The following PARD3 variants were observed in gnomAD, a reference collection of about 807,000 sequenced individuals.
PARD3 encodes par-3 family cell polarity regulator, also known as partitioning defective 3 homolog.
A neutral mutation model predicts 155.4 loss-of-function variants in PARD3; 75 were observed. The observed-to-expected ratio is 0.48, with a 90% confidence interval of 0.40 to 0.58. PARD3 has a LOEUF of 0.58. Among genes scored for constraint, PARD3 ranks in the 20% least tolerant of loss-of-function variants. The pLI is 0.00. For missense variants in PARD3, 1,642 were observed against 1,721.7 expected (o/e 0.95, Z 0.82); for synonymous variants, 576 against 610.5 (o/e 0.94, Z 0.83).
intron 2 of PARD3, among the ~76,000 whole-genome samples, chr10:34,533,500 T>C (rs181048419): frequency 5.3e-5 from 8 of 152,172 alleles, no homozygotes; most frequent in Admixed American, 4.6e-4. Flanking sequence ...AATTATAACA[T>C]GAGAATACCA....
intron 9 of PARD3, among the ~76,000 whole-genome samples, chr10:34,379,155 A>C (rs190994848): frequency 5.3e-5 from 8 of 152,290 alleles, no homozygotes; most frequent in Admixed American, 1.3e-4. Context: ...TAAAGGTGAA[A>C]AATCTAGAAA....
In PARD3 at chr10:34,328,123, A is replaced by G. The variant is rs150953524; in HGVS notation, c.2833+2994T>C. 2.0e-3 allele frequency among the ~76,000 whole-genome samples: 310 copies of G among 152,324 alleles called. 1 individual carries two copies. The highest frequency in any genetic ancestry group is 3.4e-3 in the Middle Eastern group (1 of 294). The stretch of plus-strand genomic sequence containing the variant: ...TTCAGTTTTATGTAAGCTGACAGCC[A>G]CCAGCAGTAACACCACATTTGATAG... On this transcript the variant is annotated intron_variant, in intron 19 of 24. Transcript: ENST00000374788.
rs1958066270 is a variant in PARD3 at position 34,317,276 on chromosome 10, G to C, written c.2896C>G (p.Gln966Glu). Residue 966 changes from glutamine (Q) to glutamate (E), a missense_variant, in exon 20 of 25, where the codon CAG (glutamine) becomes GAG (glutamate). By Grantham distance (29) the Gln-to-Glu change is conservative (BLOSUM62 2). This residue lies in a region of PARD3 where 1,529 missense variants were observed against 1,587.3 expected (regional missense o/e 0.96). Transcript: ENST00000374788. ...TGTCTCTCCAGAGAGTGGGAAGGCTGATCACTGGCTGTGGATACAGACTCT... is the reference window on the plus strand; with the variant it reads ...TGTCTCTCCAGAGAGTGGGAAGGCTCATCACTGGCTGTGGATACAGACTCT... The part of the protein sequence containing the change: ...GRESVSTASD[Q>E]PSHSLERQMN... 1 of 1,613,480 alleles carries C rather than the reference G, an allele frequency of 6.2e-7. No homozygotes were observed. The highest frequency in any genetic ancestry group is 8.5e-7 in the Non-Finnish European group (1 of 1,179,846).
chr10:34,314,475 C>T (rs530337626), intron 20 of PARD3, among the ~76,000 whole-genome samples: 10 of 152,182 alleles, frequency 6.6e-5, no homozygotes, highest in Admixed American at 2.6e-4. Flanking sequence ...AAAGGGCTGG[C>T]GCAGTGGTTT....
chr10:34,444,726 T>C (rs193075318), intron 5 of PARD3, among the ~76,000 whole-genome samples: 1 of 152,320 alleles, frequency 6.6e-6, no homozygotes, highest in Admixed American at 6.5e-5. Context: ...AATATTCTTA[T>C]AGAAAGAAGA....
At chr10:34,447,991 T>A (rs2076843672) in intron 5 of PARD3, among the ~76,000 whole-genome samples, 1 of 152,064 alleles carries the variant, frequency 6.6e-6, no homozygotes. Flanking sequence ...TGCATATATA[T>A]CCATGATAAA....
At chr10:34,454,575 AAATT>A (rs1271008219) in intron 4 of PARD3, among the ~76,000 whole-genome samples, 9 of 152,292 alleles carry the variant, frequency 5.9e-5, no homozygotes, top group African/African-American at 2.2e-4. Context: ...CTAATGGCAT[AAATT>A]AATTTGTTAG....
chr10:34,460,605 G>A lies in PARD3; in HGVS notation c.582+9480C>T, dbSNP rs182492646. On this transcript the variant is annotated intron_variant, in intron 4 of 24. Coordinates refer to ENST00000374788, the MANE Select transcript of PARD3 (RefSeq NM_001184785.2). ...TCCCAGCACTTTGGGAGGCCGAGGC[G>A]GGTGGATAACGAGGTCAGGAGATCG... 1.5e-4 allele frequency among the ~76,000 whole-genome samples: 23 copies of A among 152,138 alleles called. No individual in the cohort carries two copies. The East Asian group carries it at 4.3e-3, about 28-fold the overall frequency.
chr10:34,562,007 G>A (rs1035823538), intron 2 of PARD3, among the ~76,000 whole-genome samples: 9 of 149,292 alleles, frequency 6.0e-5, no homozygotes, highest in Admixed American at 2.0e-4. Flanking sequence ...GGTGGCAGGC[G>A]CCTGTAGTTC....
intron 2 of PARD3, among the ~76,000 whole-genome samples, chr10:34,667,289 C>G (rs2093511407): frequency 6.6e-6 from 1 of 152,170 alleles, no homozygotes; most frequent in Non-Finnish European, 1.5e-5. Flanking sequence ...GATCTTTCTG[C>G]TAAAGAAATG....
intron 22 of PARD3, among the ~76,000 whole-genome samples, chr10:34,256,176 T>C (rs571722594): frequency 4.5e-4 from 68 of 152,380 alleles, no homozygotes; most frequent in Admixed American, 1.8e-3. Flanking sequence ...ATTCAGACTT[T>C]ATATCATTTC....
intron 1 of PARD3, among the ~76,000 whole-genome samples, chr10:34,704,246 C>T (rs2094329732): frequency 6.6e-6 from 1 of 152,074 alleles, no homozygotes; most frequent in Admixed American, 6.5e-5. Flanking sequence ...TACAGAAGAT[C>T]AACCAAAGGA....
chr10:34,400,377 A>T (rs1304349987), intron 6 of PARD3, among the ~76,000 whole-genome samples: 1 of 152,222 alleles, frequency 6.6e-6, no homozygotes, highest in Non-Finnish European at 1.5e-5. Context: ...CTTTACTATT[A>T]ATAAAATAAA....
intron 1 of PARD3, among the ~76,000 whole-genome samples, chr10:34,769,965 C>T (rs953199969): frequency 4.6e-5 from 7 of 152,120 alleles, no homozygotes; most frequent in African/African-American, 1.7e-4. Context: ...CTAGTACACC[C>T]TTACCATCAA....
chr10:34,289,756 T>C (rs1956584267), intron 20 of PARD3, among the ~76,000 whole-genome samples: 1 of 152,338 alleles, frequency 6.6e-6, no homozygotes, highest in Admixed American at 6.5e-5. Flanking sequence ...AATGTCTTCA[T>C]TCAGCTAACG....
chr10:34,312,014 C>A (rs1957726413), intron 20 of PARD3, among the ~76,000 whole-genome samples: 1 of 151,824 alleles, frequency 6.6e-6, no homozygotes, highest in Admixed American at 6.6e-5. Flanking sequence ...AACTCTGATT[C>A]TAATATCCAA....
At chr10:34,776,922 T>C (rs928185370) in intron 1 of PARD3, among the ~76,000 whole-genome samples, 1 of 148,720 alleles carries the variant, frequency 6.7e-6, no homozygotes, top group Non-Finnish European at 1.5e-5. Context: ...CTGCAACCTC[T>C]GCCTCCCAAG....
intron 2 of PARD3, among the ~76,000 whole-genome samples, chr10:34,562,760 T>TA (rs1424591991): frequency 4.9e-5 from 7 of 142,444 alleles, no homozygotes; most frequent in African/African-American, 1.9e-4. Context: ...ATTATTTTAA[T>TA]TTTTTTTTTT....
At chr10:34,760,597 G>C (rs138893903) in intron 1 of PARD3, among the ~76,000 whole-genome samples, 3,605 of 152,226 alleles carry the variant, frequency 0.024, 146 homozygotes, top group African/African-American at 0.083. Context: ...CTCCCAAAGC[G>C]CTGGGATTAC....
Sources: allele counts gnomAD v4.1 joint callset (sites outside exome capture counted in the v4.1 genomes callset), GRCh38; gene constraint gnomAD v4.1.1; regional missense constraint gnomAD v4.1.1; transcripts MANE v1.5; gene names NCBI Gene and HGNC (gene_info 2026-07-23, HGNC 2026-07-21).